The following HDHD2 variants were observed in gnomAD, a reference collection of about 807,000 sequenced individuals.
HDHD2 encodes the protein haloacid dehalogenase-like hydrolase domain-containing protein 2.
A neutral mutation model predicts 24.8 loss-of-function variants in HDHD2; 26 were observed. The ratio of observed to expected loss-of-function variants is 1.05; its 90% CI spans 0.77 to 1.45. HDHD2 has a LOEUF of 1.45. Among genes scored for constraint, HDHD2 ranks in the 40% most tolerant of loss-of-function variants. The pLI is 0.00. For missense variants in HDHD2, 299 were observed against 313.4 expected (o/e 0.95, Z 0.35); for synonymous variants, 128 against 114.9 (o/e 1.11, Z -0.73).
chr18:47,149,161 A>T (rs1390852734), intron 1 of HDHD2: 1 of 152,214 alleles, frequency 6.6e-6, no homozygotes, highest in African/African-American at 2.4e-5. Context: ...GGGCTACAAA[A>T]ATCACAGGAT....
intron 1 of HDHD2, among the ~76,000 whole-genome samples, chr18:47,140,487 A>G (rs548167344): frequency 1.3e-5 from 2 of 152,128 alleles, no homozygotes; most frequent in East Asian, 1.9e-4. Flanking sequence ...TTTTGTTGTT[A>G]TTGTTGTTTT....
At chr18:47,135,530 G>T (rs371323636) in intron 2 of HDHD2, among the ~76,000 whole-genome samples, 17 of 152,042 alleles carry the variant, frequency 1.1e-4, no homozygotes, top group Non-Finnish European at 1.9e-4. Flanking sequence ...CAAAGTGCTG[G>T]GATTACAGGC....
At chr18:47,136,197 T>A in intron 2 of HDHD2, 142 bp downstream of exon 2, 2 of 986,782 alleles carry the variant, frequency 2.0e-6, no homozygotes, top group Non-Finnish European at 2.9e-6. Flanking sequence ...TGCATACATC[T>A]TCTAGCTAAA....
intron 3 of HDHD2, 121 bp from the exon 4 acceptor site, chr18:47,130,449 T>A (rs561219494): frequency 4.7e-6 from 3 of 637,062 alleles, no homozygotes; most frequent in Non-Finnish European, 2.7e-6. Flanking sequence ...TAAAATTTAA[T>A]AGATTATCCT....
intron 1 of HDHD2, chr18:47,148,989 C>T (rs2063901745): frequency 1.3e-5 from 2 of 152,094 alleles, no homozygotes; most frequent in Admixed American, 1.3e-4. Flanking sequence ...TTCTTCATTG[C>T]TAATGTAGAA....
intron 1 of HDHD2, among the ~76,000 whole-genome samples, chr18:47,146,043 T>A (rs1351480428): frequency 6.6e-6 from 1 of 151,716 alleles, no homozygotes; most frequent in Non-Finnish European, 1.5e-5. Flanking sequence ...ACCAGCCTAG[T>A]CAACATGGTG....
At chr18:47,139,340 G>A (rs940592248) in intron 1 of HDHD2, among the ~76,000 whole-genome samples, 9 of 151,078 alleles carry the variant, frequency 6.0e-5, no homozygotes, top group Non-Finnish European at 8.9e-5. Context: ...GTGGCGGCGC[G>A]TGTAGTCCCA....
intron 6 of HDHD2, chr18:47,111,346 T>C (rs1418307837): frequency 2.0e-6 from 2 of 976,564 alleles, no homozygotes; most frequent in Non-Finnish European, 2.4e-6. Context: ...AAGCTCAGTG[T>C]AAATCCTTAA....
intron 6 of HDHD2, chr18:47,110,237 G>A (rs953523543): frequency 2.0e-6 from 2 of 985,366 alleles, no homozygotes; most frequent in Non-Finnish European, 2.4e-6. Context: ...TGGAGAAGAC[G>A]CTTCCTGTCT....
At chr18:47,116,668 G>A (rs2063560140) in intron 4 of HDHD2, among the ~76,000 whole-genome samples, 1 of 152,090 alleles carries the variant, frequency 6.6e-6, no homozygotes. Flanking sequence ...CCATTCTGTT[G>A]GCTTTAAAGA....
intron 1 of HDHD2, chr18:47,136,877 C>T (rs143554343): frequency 1.2e-4 from 46 of 399,524 alleles, no homozygotes; most frequent in Middle Eastern, 1.5e-3. Context: ...ATTCTCATCG[C>T]CCTTCTTTGC....
chr18:47,108,460 TTTC>T lies in HDHD2; in HGVS notation c.*219_*221del. The T allele has an allele frequency of 5.0e-6, 2 of 400,852 alleles. No individual in the cohort carries two copies. The highest frequency in any genetic ancestry group is 4.1e-5 in the African/African-American group (2 of 48,372). The allele number at this position is 400,852 out of a possible 1,614,324, so 24.8% of individuals were successfully genotyped here. A position where few individuals can be genotyped will look rare whatever the true frequency, so the allele number is the denominator to read the frequency against. ...AATGGCACAAAATCTCAGCTTTCCCTTTCTTTGGGTCTCATCTTCAGTTACAAA... is the reference window on the plus strand; with the variant it reads ...AATGGCACAAAATCTCAGCTTTCCCTTTTGGGTCTCATCTTCAGTTACAAA... On this transcript the variant is annotated 3_prime_UTR_variant, in exon 7 of 7. Coordinates refer to ENST00000300605, the MANE Select transcript of HDHD2 (RefSeq NM_032124.5).
chr18:47,147,950 CTATGACCTCTCTTCTTG>C (rs1271825320), intron 1 of HDHD2, among the ~76,000 whole-genome samples: 1 of 151,650 alleles, frequency 6.6e-6, no homozygotes, highest in Non-Finnish European at 1.5e-5. Flanking sequence ...CACTTGATCA[CTATGACCTCTCTTCTTG>C]TCCAAAACTT....
chr18:47,141,569 T>A (rs2063819832), intron 1 of HDHD2, among the ~76,000 whole-genome samples: 1 of 152,220 alleles, frequency 6.6e-6, no homozygotes, highest in Non-Finnish European at 1.5e-5. Context: ...ATTTACTCAA[T>A]CATTTATTTT....
intron 4 of HDHD2, among the ~76,000 whole-genome samples, chr18:47,119,641 C>G (rs1245048146): frequency 6.6e-6 from 1 of 152,208 alleles, no homozygotes; most frequent in Non-Finnish European, 1.5e-5. Context: ...TTAAAATCAA[C>G]TTCTTCCAAA....
At chr18:47,113,332 C>T (rs558446619) in intron 5 of HDHD2, among the ~76,000 whole-genome samples, 1 of 152,328 alleles carries the variant, frequency 6.6e-6, no homozygotes, top group South Asian at 2.1e-4. Flanking sequence ...GCCACACCTA[C>T]ATCTATTTAT....
chr18:47,116,652 G>T (rs1351280109), intron 4 of HDHD2, among the ~76,000 whole-genome samples: 2 of 152,026 alleles, frequency 1.3e-5, no homozygotes, highest in East Asian at 3.9e-4. Flanking sequence ...AGGAAACCTG[G>T]CAAAGCCATT....
chr18:47,126,200 T>C (rs146889259), intron 4 of HDHD2, among the ~76,000 whole-genome samples: 1,620 of 152,326 alleles, frequency 0.011, 17 homozygotes, highest in Middle Eastern at 0.068. Context: ...GAAAAGCCCA[T>C]AGATATATTT....
intron 6 of HDHD2, chr18:47,109,254 C>T (rs767630515): frequency 5.2e-5 from 8 of 154,948 alleles, no homozygotes; most frequent in South Asian, 4.0e-4. Context: ...CAGATGAGAA[C>T]GCCCTGGGTT....
Sources: gnomAD v4.1 joint callset for allele counts (sites outside exome capture counted in the v4.1 genomes callset) on GRCh38, gnomAD v4.1.1 for gene constraint, MANE v1.5 for transcripts, NCBI Gene and HGNC (gene_info 2026-07-23, HGNC 2026-07-21) for gene names.